TMEM134: variants seen among roughly 807,000 people sequenced by gnomAD.
TMEM134 encodes the protein transmembrane protein 134.
A neutral mutation model predicts 26.2 loss-of-function variants in TMEM134; 36 were observed. The ratio of observed to expected loss-of-function variants is 1.37; its 90% CI spans 1.05 to 1.81. TMEM134 has a LOEUF of 1.81. Among genes scored for constraint, TMEM134 ranks in the 40% most tolerant of loss-of-function variants. The pLI is 0.00. For missense variants in TMEM134, 339 were observed against 263.5 expected (o/e 1.29, Z -1.98); for synonymous variants, 133 against 113.6 (o/e 1.17, Z -1.08).
In TMEM134 at chr11:67,468,036, G is replaced by A. The variant is rs1442105030; in HGVS notation, c.231C>T (p.Val77=). 2 of 1,558,740 alleles carry A rather than the reference G, an allele frequency of 1.3e-6. No homozygotes were observed. The highest frequency in any genetic ancestry group is 1.2e-5 in the South Asian group (1 of 84,666). ...CCCCACCTGGCCCTAACCTGGTGCCGACTCCCCCATCCGGCTCCGGAGAGG... is the reference window on the plus strand; with the variant it reads ...CCCCACCTGGCCCTAACCTGGTGCCAACTCCCCCATCCGGCTCCGGAGAGG... ...AQASPEPDGG[V]GTRDSSRTSI... is the part of the protein sequence containing the mutation. The change falls in exon 2 of 7, where the codon GTC becomes GTT. Residue 77 remains valine (V), a synonymous_variant. Transcript: ENST00000308022.
At chr11:67,467,175 G>A in intron 4 of TMEM134, 137 bp downstream of exon 4, 2 of 741,812 alleles carry the variant, frequency 2.7e-6, no homozygotes, top group Non-Finnish European at 4.5e-6. Flanking sequence ...CTGTAAAATG[G>A]GAGTGTGATG....
chr11:67,467,126 T>C, intron 4 of TMEM134, 186 bp downstream of exon 4: 1 of 608,766 alleles, frequency 1.6e-6, no homozygotes, highest in Non-Finnish European at 2.9e-6. Flanking sequence ...TGTGATTTCC[T>C]GGCTGTGTGC....
At chr11:67,467,993 T>C in intron 2 of TMEM134, 35 bp downstream of exon 2, 2 of 1,547,438 alleles carry the variant, frequency 1.3e-6, no homozygotes, top group East Asian at 4.9e-5. Context: ...GAGCTGGGGC[T>C]GGGGTACAGG....
At chr11:67,466,386 G>C (rs1016297976) in intron 4 of TMEM134, 2 of 152,254 alleles carry the variant, frequency 1.3e-5, no homozygotes, top group African/African-American at 2.4e-5. Flanking sequence ...TATAGGGTAT[G>C]ATGGGGGCTG....
rs1475544304 is a variant in TMEM134, at chr11:67,462,284, T to C, written c.*2330A>G. The C allele has an allele frequency of 6.6e-6, 1 of 152,198 alleles. No individual in the cohort carries two copies. The highest frequency in any genetic ancestry group is 2.4e-5 in the African/African-American group (1 of 41,452). The allele number at this position is 152,198 out of a possible 1,614,324, so 9.4% of individuals were successfully genotyped here. Reference sequence around the variant, plus strand: ...TGTCATTTTTCCTTTTTCCTATGTTTGTTCTGATTATATTTATTGAAATGT... The same window carrying C: ...TGTCATTTTTCCTTTTTCCTATGTTCGTTCTGATTATATTTATTGAAATGT... On this transcript the variant is annotated 3_prime_UTR_variant, in exon 7 of 7. Coordinates refer to ENST00000308022, the MANE Select transcript of TMEM134 (RefSeq NM_025124.4).
At position 67,463,517 on chromosome 11, in the gene TMEM134, G is replaced by C. The variant is rs1193846068; in HGVS notation, c.*1097C>G. 1.3e-5 allele frequency: 2 copies of C among 151,932 alleles called. No individual in the cohort carries two copies. The highest frequency in any genetic ancestry group is 4.8e-5 in the African/African-American group (2 of 41,358). The allele number at this position is 151,932 out of a possible 1,614,324, so 9.4% of individuals were successfully genotyped here. A position where few individuals can be genotyped will look rare whatever the true frequency, so the allele number is the denominator to read the frequency against. Reference sequence around the variant, plus strand: ...TAGTGAAGATTACAAGATATAACCCGTGTTCAGTGCTTAGCGCAGGGCCTA... The same window carrying C: ...TAGTGAAGATTACAAGATATAACCCCTGTTCAGTGCTTAGCGCAGGGCCTA... On this transcript the variant is annotated 3_prime_UTR_variant, in exon 7 of 7. Coordinates refer to ENST00000308022, the MANE Select transcript of TMEM134 (RefSeq NM_025124.4).
At chr11:67,468,318 G>C in intron 1 of TMEM134, 1 of 551,768 alleles carries the variant, frequency 1.8e-6, no homozygotes, top group Admixed American at 3.2e-5. Context: ...TAGATCCCAG[G>C]GAAAGGAGAG....
In TMEM134 at chr11:67,462,047, T is replaced by A. The variant is rs1353574494; in HGVS notation, c.*2567A>T. 6.6e-6 allele frequency: 1 copy of A among 151,882 alleles called. No individual in the cohort carries two copies. The highest frequency in any genetic ancestry group is 2.4e-5 in the African/African-American group (1 of 41,358). The allele number at this position is 151,882 out of a possible 1,614,324, so 9.4% of individuals were successfully genotyped here. On this transcript the variant is annotated 3_prime_UTR_variant, in exon 7 of 7. Coordinates refer to ENST00000308022, the MANE Select transcript of TMEM134 (RefSeq NM_025124.4). ...TTAGCTGGGCATGGTGGCATGTGCC[T>A]GTAGTCGCAGCTACTGAGAAGGCTG...
chr11:67,464,877 C>G, intron 5 of TMEM134, 21 bp from the exon 6 acceptor site: 2 of 1,609,126 alleles, frequency 1.2e-6, no homozygotes, highest in Non-Finnish European at 1.7e-6. Flanking sequence ...GACCAGAGCC[C>G]GGTCAGGGCG....
At chr11:67,467,855 G>C (rs913449022) in intron 2 of TMEM134, 173 bp downstream of exon 2, 40 of 692,440 alleles carry the variant, frequency 5.8e-5, no homozygotes, top group Non-Finnish European at 8.6e-5. Context: ...CTGGGCACTA[G>C]GGTAGGGTGA....
chr11:67,464,973 C>A, intron 5 of TMEM134, 83 bp downstream of exon 5: 1 of 1,504,970 alleles, frequency 6.6e-7, no homozygotes, highest in Middle Eastern at 2.3e-4. Context: ...CCGTGTACTG[C>A]CGGGAGGTGG....
At position 67,462,749 on chromosome 11, in the gene TMEM134, G is replaced by A. The variant is rs1207331500; in HGVS notation, c.*1865C>T. 1 of 151,508 alleles carries A rather than the reference G, an allele frequency of 6.6e-6. No individual in the cohort carries two copies. Among genetic ancestry groups the A allele is most frequent in the Admixed American group, 6.6e-5 (1 of 15,206 alleles). 9.4% of individuals were successfully genotyped at this position (151,508 alleles called of 1,614,324 possible). A position where few individuals can be genotyped will look rare whatever the true frequency, so the allele number is the denominator to read the frequency against. Reference sequence around the variant, plus strand: ...AGGTCTCAGTCTGTCTTCCAGGCTGGAGTGCAGTGGTGCAATCATGACTCC... The same window carrying A: ...AGGTCTCAGTCTGTCTTCCAGGCTGAAGTGCAGTGGTGCAATCATGACTCC... On this transcript the variant is annotated 3_prime_UTR_variant, in exon 7 of 7. Transcript: ENST00000308022.
chr11:67,462,913 G>C lies in TMEM134; in HGVS notation c.*1701C>G, dbSNP rs1299503364. The C allele has an allele frequency of 6.6e-6, 1 of 151,310 alleles. No individual in the cohort carries two copies. The highest frequency in any genetic ancestry group is 1.5e-5 in the Non-Finnish European group (1 of 67,850). 9.4% of individuals were successfully genotyped at this position (151,310 alleles called of 1,614,324 possible). ...TTCCCATGTTTCCCAGGTTGGTCTC[G>C]AACTCCTGGGCTCAAGTGATCCTCC... On this transcript the variant is annotated 3_prime_UTR_variant, in exon 7 of 7. Coordinates refer to ENST00000308022, the MANE Select transcript of TMEM134 (RefSeq NM_025124.4).
chr11:67,469,035 G>A lies in TMEM134; in HGVS notation c.158C>T (p.Ser53Phe), dbSNP rs759533562. The change falls in exon 1 of 7, where the codon TCC (serine) becomes TTC (phenylalanine). Residue 53 changes from serine to phenylalanine, a missense_variant. Physicochemically the swap from Ser to Phe is radical, Grantham distance 155. Transcript: ENST00000308022. Reference sequence around the variant, plus strand: ...GCGGTTCACCTGGTAGCGCAGCCGGGACTGCTTGTCCTCGTCAGCCACCTC... The same window carrying A: ...GCGGTTCACCTGGTAGCGCAGCCGGAACTGCTTGTCCTCGTCAGCCACCTC... ...RFEVADEDKQ[S>F]RLRYQNLEND... is the part of the protein sequence containing the mutation. 1.3e-6 allele frequency: 2 copies of A among 1,512,294 alleles called. No individual in the cohort carries two copies. Among genetic ancestry groups the A allele is most frequent in the African/African-American group, 1.4e-5 (1 of 69,612 alleles). The allele number at this position is 1,512,294 out of a possible 1,614,324, so 93.7% of individuals were successfully genotyped here.
In TMEM134 at chr11:67,467,524, C is replaced by T; in HGVS notation, c.306G>A (p.Gln102=). ...ACCTGCAGCAGGTGTTGTAGGAGCG[C>T]TGGGTGCTGCTGCTGATGGTGCTGA... The part of the protein sequence containing the change: ...WSFSTISSST[Q]RSYNTCCSWT... The change falls in exon 3 of 7, where the codon CAG becomes CAA. Residue 102 remains glutamine (Q), a synonymous_variant. Coordinates refer to ENST00000308022, the MANE Select transcript of TMEM134 (RefSeq NM_025124.4). 1 of 1,614,028 alleles carries T rather than the reference C, an allele frequency of 6.2e-7. No homozygotes were observed. The highest frequency in any genetic ancestry group is 8.5e-7 in the Non-Finnish European group (1 of 1,180,006).
chr11:67,465,333 A>C (rs1464998956), intron 4 of TMEM134: 48 of 1,227,728 alleles, frequency 3.9e-5, no homozygotes, highest in Non-Finnish European at 4.7e-5. Context: ...TCATTCAGCA[A>C]ACATTTATGG....
intron 5 of TMEM134, 23 bp from the exon 6 acceptor site, chr11:67,464,879 G>C: frequency 1.2e-6 from 2 of 1,608,986 alleles, no homozygotes; most frequent in Non-Finnish European, 1.7e-6. Context: ...CCAGAGCCCG[G>C]TCAGGGCGAG....
In TMEM134 at chr11:67,469,090, G is replaced by A; in HGVS notation, c.103C>T (p.Pro35Ser). Residue 35 changes from proline (P) to serine (S), a missense_variant, in exon 1 of 7, where the codon CCG (proline) becomes TCG (serine). Coordinates refer to ENST00000308022, the MANE Select transcript of TMEM134 (RefSeq NM_025124.4). ...PESSGVARFG[P>S]LHFERRARFE... ...CGGGCCCGACGCTCGAAGTGCAGCG[G>A]CCCAAAGCGCGCGACCCCGCTGGAC... is the stretch of plus-strand genomic sequence containing the variant. 6.6e-7 allele frequency: 1 copy of A among 1,511,298 alleles called. No homozygotes were observed. The allele number at this position is 1,511,298 out of a possible 1,614,324, so 93.6% of individuals were successfully genotyped here.
In TMEM134 at chr11:67,469,053, G is replaced by T; in HGVS notation, c.140C>A (p.Ala47Asp). The T allele has an allele frequency of 6.6e-7, 1 of 1,517,848 alleles. No homozygotes were observed. The highest frequency in any genetic ancestry group is 8.8e-7 in the Non-Finnish European group (1 of 1,134,404). 94.0% of individuals were successfully genotyped at this position (1,517,848 alleles called of 1,614,324 possible). A position where few individuals can be genotyped will look rare whatever the true frequency, so the allele number is the denominator to read the frequency against. ...CAGCCGGGACTGCTTGTCCTCGTCA[G>T]CCACCTCGAACCGGGCCCGACGCTC... ...HFERRARFEV[A>D]DEDKQSRLRY... The change falls in exon 1 of 7, where the codon GCT (alanine) becomes GAT (aspartate). Residue 47 changes from alanine to aspartate, a missense_variant. Transcript: ENST00000308022.
Sources: allele counts gnomAD v4.1 joint callset, GRCh38; gene constraint gnomAD v4.1.1; transcripts MANE v1.5; gene names NCBI Gene and HGNC (gene_info 2026-07-23, HGNC 2026-07-21).